PCDHGA6: variants seen among roughly 807,000 people sequenced by gnomAD.
PCDHGA6 encodes the protein protocadherin gamma subfamily A, 6.
A neutral mutation model predicts 60.6 loss-of-function variants in PCDHGA6; 41 were observed. That is an observed-to-expected ratio of 0.68 (90% CI 0.53 to 0.88). The LOEUF (loss-of-function observed/expected upper bound fraction) is 0.88, where lower values mean the gene tolerates loss of function less well. Ranked by LOEUF, PCDHGA6 falls within the 40% of genes least tolerant of loss-of-function variation. PCDHGA6 has a pLI of 0.00. For synonymous variants in PCDHGA6, 594 were observed against 524.4 expected (o/e 1.13, Z -1.81); for missense variants, 1,312 against 1,203.0 (o/e 1.09, Z -1.34).
In PCDHGA6 at chr5:141,432,997, G is replaced by T. The variant is rs778828769; in HGVS notation, c.2424+56490G>T. 17 of 1,614,082 alleles carry T rather than the reference G, an allele frequency of 1.1e-5. No homozygotes were observed. The highest frequency in any genetic ancestry group is 4.5e-5 in the East Asian group (2 of 44,864). ...CGCACTTTGTGGGCGTGGACGGGGT[G>T]CAGGCTTTCCTGCAGACCTATTCCC... On this transcript the variant is annotated intron_variant, in intron 1 of 3. Transcript: ENST00000517434. The surrounding 1 kb of genome is among the most constrained non-coding windows in gnomAD (Gnocchi z 6.0).
chr5:141,452,888 C>T (rs62379168), intron 1 of PCDHGA6, among the ~76,000 whole-genome samples: 13,856 of 152,130 alleles, frequency 0.091, 849 homozygotes, highest in African/African-American at 0.17. Flanking sequence ...TAATTTATTC[C>T]ACTTTTATTA....
rs751567991 is a variant in PCDHGA6 at position 141,398,180 on chromosome 5, T to C, written c.2424+21673T>C. ...CGGGCTGAGAGGCTGCCAGTGCTCT[T>C]TCTCTTCCTGCTGTCTTTGTTCTGC... On this transcript the variant is annotated intron_variant, in intron 1 of 3. Coordinates refer to ENST00000517434, the MANE Select transcript of PCDHGA6 (RefSeq NM_018919.3). 3 of 1,473,764 alleles carry C rather than the reference T, an allele frequency of 2.0e-6. No individual in the cohort carries two copies. The African/African-American group carries it at 4.3e-5, about 21-fold the overall frequency. The allele number at this position is 1,473,764 out of a possible 1,614,324, so 91.3% of individuals were successfully genotyped here. A position where few individuals can be genotyped will look rare whatever the true frequency, so the allele number is the denominator to read the frequency against.
rs527641698 is a variant in PCDHGA6 at position 141,410,317 on chromosome 5, C to G, written c.2424+33810C>G. The G allele has an allele frequency of 2.5e-6, 4 of 1,613,892 alleles. No homozygotes were observed. In the East Asian group the frequency reaches 6.7e-5, roughly 27 times the overall value. ...CCTTAATCTCAGTGCTCTTCCTCCT[C>G]GCCGTGATTCTGGCCATTGCCTTGC... On this transcript the variant is annotated intron_variant, in intron 1 of 3. Transcript: ENST00000517434.
chr5:141,393,259 G>C (rs1561641378), intron 1 of PCDHGA6: 1 of 1,613,874 alleles, frequency 6.2e-7, no homozygotes, highest in Admixed American at 1.7e-5. Flanking sequence ...GCGGTTCCTG[G>C]AGCACGTTAT....
At chr5:141,418,171 G>A (rs2096234086) in intron 1 of PCDHGA6, 1 of 1,613,952 alleles carries the variant, frequency 6.2e-7, no homozygotes, top group African/African-American at 1.3e-5. Flanking sequence ...GATGTGAGTT[G>A]CAATTGGAAG....
In PCDHGA6 at chr5:141,374,604, G is replaced by A. The variant is rs538426396; in HGVS notation, c.521G>A (p.Gly174Asp). ...MNSLQGFKLSGNSHFSVDVQS... is the reference protein window; with the variant it reads ...MNSLQGFKLSDNSHFSVDVQS... ...TCCCTTCAGGGATTTAAGCTCAGTG[G>A]TAATAGTCACTTCTCAGTGGACGTG... The change falls in exon 1 of 4, where the codon GGT becomes GAT. Residue 174 changes from glycine to aspartate, a missense_variant. Coordinates refer to ENST00000517434, the MANE Select transcript of PCDHGA6 (RefSeq NM_018919.3). 4.6e-5 allele frequency: 75 copies of A among 1,613,652 alleles called. No individual in the cohort carries two copies. In the South Asian group the frequency reaches 6.8e-4, roughly 15 times the overall value.
chr5:141,441,813 A>T, intron 1 of PCDHGA6: 1 of 365,242 alleles, frequency 2.7e-6, no homozygotes, highest in South Asian at 2.3e-5. Context: ...GCTGTACCCC[A>T]GCTCTGGAGC....
chr5:141,423,447 T>C (rs1347619382), intron 1 of PCDHGA6: 1 of 1,613,880 alleles, frequency 6.2e-7, no homozygotes, highest in Admixed American at 1.7e-5. Context: ...CCACGTCACA[T>C]TTTGTAGGCG....
chr5:141,400,189 C>T (rs376855933), intron 1 of PCDHGA6: 52 of 1,613,938 alleles, frequency 3.2e-5, no homozygotes, highest in Non-Finnish European at 4.2e-5. Flanking sequence ...GCAGTTTTAC[C>T]TAGTGGTGGC....
rs2099696598 is a variant in PCDHGA6, at chr5:141,490,144, A to C, written c.2425-4663A>C. The C allele has an allele frequency of 2.5e-6, 4 of 1,614,214 alleles. No homozygotes were observed. In the East Asian group the frequency reaches 6.7e-5, roughly 27 times the overall value. ...TGGCCTAGACCCTAGCAGTGGGGCA[A>C]TCCATGTGTTGGGTCCCATAGACTT... On this transcript the variant is annotated intron_variant, in intron 1 of 3. Transcript: ENST00000517434. The surrounding 1 kb of genome is among the most constrained non-coding windows in gnomAD (Gnocchi z 5.4).
At chr5:141,415,479 A>G (rs750765604) in intron 1 of PCDHGA6, 19 of 1,613,988 alleles carry the variant, frequency 1.2e-5, no homozygotes, top group South Asian at 2.2e-5. Flanking sequence ...CGGACTCGCG[A>G]AAGAGTCACC....
At position 141,477,160 on chromosome 5, in the gene PCDHGA6, C is replaced by G. The variant is rs768436526; in HGVS notation, c.2425-17647C>G. 2 of 1,614,186 alleles carry G rather than the reference C, an allele frequency of 1.2e-6. No homozygotes were observed. Among genetic ancestry groups the G allele is most frequent in the Admixed American group, 1.7e-5 (1 of 60,020 alleles). On this transcript the variant is annotated intron_variant, in intron 1 of 3. Transcript: ENST00000517434. The surrounding 1 kb of genome is among the most constrained non-coding windows in gnomAD (Gnocchi z 4.9). ...TGGAGGTTGTGGATGTGAATGACAA[C>G]GCCCCGGAGATCACAGTCACCTCCG...
intron 1 of PCDHGA6, chr5:141,398,172 A>G (rs1386610242): frequency 6.1e-6 from 9 of 1,476,892 alleles, no homozygotes; most frequent in Non-Finnish European, 7.2e-6. Context: ...AGAGGCTGCC[A>G]GTGCTCTTTC....
intron 3 of PCDHGA6, among the ~76,000 whole-genome samples, chr5:141,506,045 C>G (rs1379226123): frequency 6.6e-6 from 1 of 152,078 alleles, no homozygotes; most frequent in Non-Finnish European, 1.5e-5. Flanking sequence ...TCTGGTTTTC[C>G]CATAAGGTTG....
intron 1 of PCDHGA6, chr5:141,414,780 G>A (rs2095787223): frequency 1.2e-6 from 2 of 1,614,232 alleles, no homozygotes; most frequent in Non-Finnish European, 1.7e-6. Context: ...TACAGATGCA[G>A]GTGACAGCCA....
chr5:141,383,378 CAG>C (rs1561596110), intron 1 of PCDHGA6: 1 of 1,614,002 alleles, frequency 6.2e-7, no homozygotes, highest in Non-Finnish European at 8.5e-7. Flanking sequence ...GCTGGGGATC[CAG>C]ATGTGGGCAC....
chr5:141,433,358 C>CCTATCTATCTATCTATCTAT (rs3074541), intron 1 of PCDHGA6: 39 of 504,044 alleles, frequency 7.7e-5, no homozygotes, highest in Admixed American at 1.8e-4. Context: ...CTACTGTCTG[C>CCTATCTATCTATCTATCTAT]CTATCTATCT....
At chr5:141,435,925 A>G (rs978837252) in intron 1 of PCDHGA6, among the ~76,000 whole-genome samples, 16 of 152,166 alleles carry the variant, frequency 1.1e-4, no homozygotes, top group Non-Finnish European at 1.5e-5. Context: ...AAAATGCGGC[A>G]GTTGCTGCTT....
intron 1 of PCDHGA6, among the ~76,000 whole-genome samples, chr5:141,447,535 G>T (rs1366016262): frequency 3.3e-5 from 5 of 152,162 alleles, no homozygotes; most frequent in Admixed American, 6.5e-5. Flanking sequence ...AAATTGTTGG[G>T]TTTTAATGTT....
Sources: allele counts gnomAD v4.1 joint callset (sites outside exome capture counted in the v4.1 genomes callset), GRCh38; gene constraint gnomAD v4.1.1; non-coding constraint Gnocchi (gnomAD v3.1); transcripts MANE v1.5; gene names NCBI Gene and HGNC (gene_info 2026-07-23, HGNC 2026-07-21).